Variants in PLCB4 observed in about 807,000 individuals in gnomAD.
PLCB4 encodes the protein phospholipase C beta 4.
Under a neutral mutation model 178.8 loss-of-function variants are expected in PLCB4, and 77 were observed. That is an observed-to-expected ratio of 0.43 (90% CI 0.36 to 0.52). The LOEUF (loss-of-function observed/expected upper bound fraction) is 0.52. Ranked by LOEUF, PLCB4 falls within the 20% of genes least tolerant of loss-of-function variation. The pLI, the probability that PLCB4 is intolerant of heterozygous loss-of-function variation, is 0.00. For synonymous variants in PLCB4, 496 were observed against 490.8 expected (o/e 1.01, Z -0.14); for missense variants, 1,024 against 1,453.4 (o/e 0.70, Z 4.80).
chr20:9,194,692 C>CAAA (rs555217572), intron 2 of PLCB4, among the ~76,000 whole-genome samples: 13 of 40,678 alleles, frequency 3.2e-4, no homozygotes, highest in Admixed American at 7.2e-4. Context: ...GACTCCATCT[C>CAAA]AAAAAAAAAA....
intron 34 of PLCB4, among the ~76,000 whole-genome samples, 192 bp from the exon 35 acceptor site, chr20:9,459,443 T>G (rs1363755757): frequency 6.6e-6 from 1 of 152,240 alleles, no homozygotes; most frequent in African/African-American, 2.4e-5. Context: ...AAGCAATTGA[T>G]TTATTTTGAT....
At position 9,290,253 on chromosome 20, in the gene PLCB4, C is replaced by G. The variant is rs148053195; in HGVS notation, c.-15-17547C>G. Among the ~76,000 whole-genome samples the G allele has an allele frequency of 7.2e-5, 11 of 151,874 alleles. No homozygotes were observed. In the East Asian group the frequency reaches 1.6e-3, roughly 21 times the overall value. ...TTGTAACTGTTCATTAGTACCGACA[C>G]TTGGGAAAACCAAGGATTTGTCTAA... On this transcript the variant is annotated intron_variant, in intron 3 of 39. Transcript: ENST00000378473.
intron 3 of PLCB4, among the ~76,000 whole-genome samples, chr20:9,234,329 G>T (rs2093969008): frequency 6.6e-6 from 1 of 152,284 alleles, no homozygotes; most frequent in East Asian, 1.9e-4. Flanking sequence ...AGATCCATGA[G>T]AGCTGGGGAT....
At chr20:9,380,828 C>T (rs1046100279) in intron 13 of PLCB4, among the ~76,000 whole-genome samples, 18 of 152,200 alleles carry the variant, frequency 1.2e-4, no homozygotes, top group Middle Eastern at 3.4e-3. Flanking sequence ...GAGCTAGAGC[C>T]TTTGGCGTTA....
intron 30 of PLCB4, among the ~76,000 whole-genome samples, chr20:9,443,116 T>TTAG (rs1221083959): frequency 6.6e-6 from 1 of 152,198 alleles, no homozygotes; most frequent in African/African-American, 2.4e-5. Context: ...GCAGGATGAC[T>TTAG]TAGTGTATTA....
chr20:9,074,524 A>G (rs2089736787), intron 1 of PLCB4, among the ~76,000 whole-genome samples: 2 of 152,180 alleles, frequency 1.3e-5, no homozygotes, highest in South Asian at 4.1e-4. Context: ...CCTTATCCAT[A>G]CAAAGCAGCC....
At position 9,407,909 on chromosome 20, in the gene PLCB4, G is replaced by A. The variant is rs2039566829; in HGVS notation, c.1648-8G>A. 1 of 1,606,860 alleles carries A rather than the reference G, an allele frequency of 6.2e-7. No individual in the cohort carries two copies. The highest frequency in any genetic ancestry group is 8.5e-7 in the Non-Finnish European group (1 of 1,177,678). On this transcript the variant is annotated splice_polypyrimidine_tract_variant and splice_region_variant and intron_variant, in intron 21 of 39. Transcript: ENST00000378473. ...TCAACTTATATGTTTTCTTCCTTGT[G>A]CTTGTAGGGCCTGGTCACTGTAGAA...
At chr20:9,223,386 T>C (rs763296374) in intron 3 of PLCB4, among the ~76,000 whole-genome samples, 36 of 152,306 alleles carry the variant, frequency 2.4e-4, no homozygotes, top group Non-Finnish European at 4.4e-4. Flanking sequence ...CTTGAAGATA[T>C]AGTGGCTGCA....
chr20:9,154,192 A>T (rs547689123), intron 2 of PLCB4, among the ~76,000 whole-genome samples: 1 of 152,302 alleles, frequency 6.6e-6, no homozygotes, highest in African/African-American at 2.4e-5. Flanking sequence ...TAGTTGAGGC[A>T]TCTCCTGCCA....
intron 39 of PLCB4, among the ~76,000 whole-genome samples, chr20:9,477,899 C>G (rs1233292342): frequency 6.6e-6 from 1 of 152,102 alleles, no homozygotes; most frequent in Non-Finnish European, 1.5e-5. Flanking sequence ...CAGTGACCTT[C>G]CATTTAGTTG....
At chr20:9,074,806 T>TAAAC (rs1568699525) in intron 1 of PLCB4, among the ~76,000 whole-genome samples, 2,136 of 100,270 alleles carry the variant, frequency 0.021, 35 homozygotes, top group African/African-American at 0.057. Flanking sequence ...TTTTTTTTTT[T>TAAAC]TAAACAAAAC....
intron 2 of PLCB4, among the ~76,000 whole-genome samples, chr20:9,136,211 T>C (rs901377768): frequency 6.6e-6 from 1 of 152,098 alleles, no homozygotes; most frequent in African/African-American, 2.4e-5. Flanking sequence ...TGCATTGTCT[T>C]AGGTTGGCTT....
At chr20:9,127,626 AC>A (rs139516202) in intron 2 of PLCB4, among the ~76,000 whole-genome samples, 4,096 of 150,574 alleles carry the variant, frequency 0.027, 181 homozygotes, top group African/African-American at 0.094. Flanking sequence ...TTTAAAAAAA[AC>A]GGTGGTAAAA....
chr20:9,397,519 A>G (rs2038687978), intron 19 of PLCB4, among the ~76,000 whole-genome samples: 1 of 152,206 alleles, frequency 6.6e-6, no homozygotes, highest in African/African-American at 2.4e-5. Flanking sequence ...GCCCAGATCC[A>G]TCAGAGGACA....
intron 3 of PLCB4, among the ~76,000 whole-genome samples, chr20:9,301,148 T>C (rs2094698016): frequency 6.6e-6 from 1 of 151,758 alleles, no homozygotes. Flanking sequence ...AGGGCCCACC[T>C]GGATGATCCA....
intron 4 of PLCB4, among the ~76,000 whole-genome samples, chr20:9,318,207 A>G (rs2094921361): frequency 6.6e-6 from 1 of 151,942 alleles, no homozygotes; most frequent in Non-Finnish European, 1.5e-5. Flanking sequence ...GGCCAGCCAC[A>G]CCACTTGAGA....
chr20:9,226,767 G>T (rs1341795347), intron 3 of PLCB4, among the ~76,000 whole-genome samples: 2 of 152,048 alleles, frequency 1.3e-5, no homozygotes, highest in Non-Finnish European at 2.9e-5. Context: ...AAGTAGAAAG[G>T]AATTAAGAGT....
intron 30 of PLCB4, among the ~76,000 whole-genome samples, chr20:9,437,812 A>G (rs2041867535): frequency 6.6e-6 from 1 of 152,230 alleles, no homozygotes; most frequent in Non-Finnish European, 1.5e-5. Flanking sequence ...TGGGCATGCT[A>G]AGGGCAAGGT....
intron 9 of PLCB4, among the ~76,000 whole-genome samples, chr20:9,369,550 A>G (rs1384043436): frequency 1.3e-5 from 2 of 152,126 alleles, no homozygotes; most frequent in African/African-American, 2.4e-5. Flanking sequence ...TCTCTCCCAT[A>G]TTTGTAGATT....
Sources: gnomAD v4.1 joint callset for allele counts (sites outside exome capture counted in the v4.1 genomes callset) on GRCh38, gnomAD v4.1.1 for gene constraint, MANE v1.5 for transcripts, NCBI Gene and HGNC (gene_info 2026-07-23, HGNC 2026-07-21) for gene names.